OSBPL6: variants seen among roughly 807,000 people sequenced by gnomAD.
OSBPL6 encodes oxysterol-binding protein-related protein 6.
A neutral mutation model predicts 125.8 loss-of-function variants in OSBPL6; 49 were observed. The observed-to-expected ratio is 0.39, with a 90% confidence interval of 0.31 to 0.49. The LOEUF (loss-of-function observed/expected upper bound fraction) is 0.49, where lower values mean the gene tolerates loss of function less well. Among genes scored for constraint, OSBPL6 ranks in the 20% least tolerant of loss-of-function variants. The pLI, the probability that OSBPL6 is intolerant of heterozygous loss-of-function variation, is 0.88. For missense variants in OSBPL6, 986 were observed against 1,135.4 expected (o/e 0.87, Z 1.89); for synonymous variants, 394 against 391.8 (o/e 1.01, Z -0.07).
intron 1 of OSBPL6, among the ~76,000 whole-genome samples, chr2:178,255,410 C>G (rs532025478): frequency 7.5e-4 from 115 of 152,338 alleles, no homozygotes; most frequent in African/African-American, 2.6e-3. Context: ...TTCACTATCA[C>G]GAGAACAGCA....
chr2:178,207,101 C>T (rs1006511859), intron 1 of OSBPL6, among the ~76,000 whole-genome samples: 1 of 152,144 alleles, frequency 6.6e-6, no homozygotes, highest in Admixed American at 6.5e-5. Flanking sequence ...GGGTCCCTGC[C>T]TATAAAGGTG....
intron 11 of OSBPL6, among the ~76,000 whole-genome samples, chr2:178,346,217 A>G (rs536669529): frequency 6.6e-6 from 1 of 152,208 alleles, no homozygotes; most frequent in African/African-American, 2.4e-5. Flanking sequence ...GGAGACTGGA[A>G]AAAGATAAAT....
chr2:178,195,991 C>G (rs879808133), intron 1 of OSBPL6, among the ~76,000 whole-genome samples: 1 of 151,918 alleles, frequency 6.6e-6, no homozygotes, highest in Admixed American at 6.6e-5. Flanking sequence ...TTCCTTCTTT[C>G]ATCCTTCCCC....
Position 178,380,675 on chromosome 2 carries a change from T to C in OSBPL6, c.1534-1745T>C, listed in dbSNP as rs189403240. ...TGACCCATCTGATCTAGAAATAAATTTTAATGTAATCACCAGGCAGATTTA... is the reference window on the plus strand; with the variant it reads ...TGACCCATCTGATCTAGAAATAAATCTTAATGTAATCACCAGGCAGATTTA... On this transcript the variant is annotated intron_variant, in intron 15 of 24. Transcript: ENST00000190611. Among the ~76,000 whole-genome samples, 40 of 152,126 alleles carry C rather than the reference T, an allele frequency of 2.6e-4. 1 individual carries two copies. In the South Asian group the frequency reaches 6.2e-3, roughly 24 times the overall value.
At chr2:178,353,682 A>T (rs1460195266) in intron 12 of OSBPL6, among the ~76,000 whole-genome samples, 2 of 152,196 alleles carry the variant, frequency 1.3e-5, no homozygotes, top group African/African-American at 4.8e-5. Flanking sequence ...TCAGGATATT[A>T]TCCAGAACTT....
chr2:178,208,989 C>T (rs2089699620), intron 1 of OSBPL6, among the ~76,000 whole-genome samples: 1 of 152,042 alleles, frequency 6.6e-6, no homozygotes, highest in South Asian at 2.1e-4. Context: ...AGTCCACTGC[C>T]CCCTAGCTTC....
chr2:178,331,923 A>G (rs1689234058), intron 6 of OSBPL6, among the ~76,000 whole-genome samples: 1 of 152,210 alleles, frequency 6.6e-6, no homozygotes, highest in Non-Finnish European at 1.5e-5. Flanking sequence ...ACTCTGCTTT[A>G]TGTGTGCTGC....
intron 4 of OSBPL6, among the ~76,000 whole-genome samples, chr2:178,325,919 C>T (rs566653121): frequency 6.6e-6 from 1 of 152,194 alleles, no homozygotes; most frequent in Admixed American, 6.5e-5. Flanking sequence ...ATTACTTCTC[C>T]ATGTTGTTGC....
chr2:178,211,895 T>A (rs1395647512), intron 1 of OSBPL6, among the ~76,000 whole-genome samples: 1 of 152,206 alleles, frequency 6.6e-6, no homozygotes, highest in Non-Finnish European at 1.5e-5. Flanking sequence ...CCACATGGCC[T>A]GGACTCCACC....
At chr2:178,372,488 C>G (rs1239430160) in intron 14 of OSBPL6, among the ~76,000 whole-genome samples, 8 of 151,650 alleles carry the variant, frequency 5.3e-5, no homozygotes, top group African/African-American at 1.9e-4. Flanking sequence ...ATTTATATAT[C>G]TACTCCAGCT....
At chr2:178,260,495 C>G (rs1241914690) in intron 1 of OSBPL6, among the ~76,000 whole-genome samples, 1 of 152,110 alleles carries the variant, frequency 6.6e-6, no homozygotes, top group African/African-American at 2.4e-5. Context: ...CAGGCTCATT[C>G]TATTTTTTTG....
chr2:178,318,343 G>A (rs1490229728), intron 3 of OSBPL6, among the ~76,000 whole-genome samples: 2 of 152,138 alleles, frequency 1.3e-5, no homozygotes, highest in Non-Finnish European at 2.9e-5. Flanking sequence ...TTTCCCAGGT[G>A]TGCTGTGTAG....
At position 178,277,566 on chromosome 2, in the gene OSBPL6, G is replaced by C. The variant is rs192523027; in HGVS notation, c.-350-7361G>C. 4.6e-5 allele frequency among the ~76,000 whole-genome samples: 7 copies of C among 152,322 alleles called. No homozygotes were observed. In the East Asian group the frequency reaches 1.3e-3, roughly 29 times the overall value. ...CTAAATGGTAGAACTGTGATAGACT[G>C]AGAAAATTATGTTTGTCTTGAGCAA... On this transcript the variant is annotated intron_variant, in intron 1 of 24. Transcript: ENST00000190611.
chr2:178,298,948 G>A (rs1392543674), intron 2 of OSBPL6, among the ~76,000 whole-genome samples: 1 of 152,090 alleles, frequency 6.6e-6, no homozygotes, highest in Non-Finnish European at 1.5e-5. Context: ...TACACACCTA[G>A]GGATTTATGA....
intron 1 of OSBPL6, among the ~76,000 whole-genome samples, chr2:178,273,795 T>C (rs1265027370): frequency 2.0e-5 from 3 of 152,142 alleles, no homozygotes; most frequent in African/African-American, 7.2e-5. Flanking sequence ...ACCATATCAC[T>C]CAGAGAAAGT....
chr2:178,315,945 C>A (rs980628675), intron 3 of OSBPL6, among the ~76,000 whole-genome samples: 2 of 152,156 alleles, frequency 1.3e-5, no homozygotes, highest in African/African-American at 4.8e-5. Flanking sequence ...CATAGGTCTA[C>A]AAAACTGCTT....
At chr2:178,243,563 C>T (rs2091374106) in intron 1 of OSBPL6, among the ~76,000 whole-genome samples, 1 of 152,106 alleles carries the variant, frequency 6.6e-6, no homozygotes, top group South Asian at 2.1e-4. Flanking sequence ...CCATTCATCT[C>T]CAAAATATAT....
At chr2:178,256,234 G>A (rs2091884350) in intron 1 of OSBPL6, among the ~76,000 whole-genome samples, 1 of 152,198 alleles carries the variant, frequency 6.6e-6, no homozygotes, top group Non-Finnish European at 1.5e-5. Flanking sequence ...CCGTGGATAG[G>A]ACATGTTAGA....
chr2:178,203,752 T>C (rs1449887803), intron 1 of OSBPL6, among the ~76,000 whole-genome samples: 1 of 152,252 alleles, frequency 6.6e-6, no homozygotes, highest in East Asian at 1.9e-4. Flanking sequence ...TTTAAGGTCT[T>C]GGCTTTAAGA....
Sources: gnomAD v4.1 joint callset for allele counts (sites outside exome capture counted in the v4.1 genomes callset) on GRCh38, gnomAD v4.1.1 for gene constraint, MANE v1.5 for transcripts, NCBI Gene and HGNC (gene_info 2026-07-23, HGNC 2026-07-21) for gene names.